ZSWIM6: variants seen among roughly 807,000 people sequenced by gnomAD.
The protein encoded by ZSWIM6 is zinc finger SWIM-type containing 6, also known as zinc finger SWIM domain-containing protein 6.
ZSWIM6 carries 9 observed loss-of-function variants against 113.2 expected under a neutral mutation model. The observed-to-expected ratio is 0.08, with a 90% CI of 0.05 to 0.14. The LOEUF is 0.14. Ranked by LOEUF, ZSWIM6 falls within the 10% of genes least tolerant of loss-of-function variation. ZSWIM6 has a pLI of 1.00. For missense variants in ZSWIM6, 1,162 were observed against 1,552.2 expected (o/e 0.75, Z 4.22); for synonymous variants, 611 against 606.5 (o/e 1.01, Z -0.11).
chr5:61,391,073 C>A, intron 1 of ZSWIM6: 1 of 738,558 alleles, frequency 1.4e-6, no homozygotes, highest in Non-Finnish European at 2.5e-6. Flanking sequence ...CAAATGCATG[C>A]CACAGGTAAG....
At chr5:61,367,174 T>A (rs1050466613) in intron 1 of ZSWIM6, among the ~76,000 whole-genome samples, 12 of 152,186 alleles carry the variant, frequency 7.9e-5, no homozygotes, top group African/African-American at 2.9e-4. Flanking sequence ...AGCCAGTCAC[T>A]GTTTTCTAGG....
Position 61,332,327 on chromosome 5 carries a change from GGCGGCGGCGGCGGCGGCGGGGGCA to G in ZSWIM6, c.58_81del (p.Gly20_Ser27del). 3.7e-6 allele frequency: 3 copies of G among 809,218 alleles called. No individual in the cohort carries two copies. Among genetic ancestry groups the G allele is most frequent in the Non-Finnish European group, 4.5e-6 (3 of 666,444 alleles). 50.1% of individuals were successfully genotyped at this position (809,218 alleles called of 1,614,324 possible). A position where few individuals can be genotyped will look rare whatever the true frequency, so the allele number is the denominator to read the frequency against. Reference sequence around the variant, plus strand: ...CGCGAAACGGCTTTGCTGCCGGCCGGGCGGCGGCGGCGGCGGCGGGGGCAGCAGCGGCGGCGGCGGCGGCGCGGG... The same window carrying G: ...CGCGAAACGGCTTTGCTGCCGGCCGGGCAGCGGCGGCGGCGGCGGCGCGGG... On this transcript the variant is annotated inframe_deletion, in exon 1 of 14. Coordinates refer to ENST00000252744, the MANE Select transcript of ZSWIM6 (RefSeq NM_020928.2).
chr5:61,422,447 T>C (rs2112126041), intron 1 of ZSWIM6, among the ~76,000 whole-genome samples: 1 of 152,200 alleles, frequency 6.6e-6, no homozygotes, highest in East Asian at 1.9e-4. Context: ...ATGCTGGCAC[T>C]GTACTGTTTT....
At chr5:61,449,375 T>A (rs998298555) in intron 1 of ZSWIM6, among the ~76,000 whole-genome samples, 4 of 152,162 alleles carry the variant, frequency 2.6e-5, no homozygotes, top group Non-Finnish European at 5.9e-5. Flanking sequence ...TTTTTTAAAT[T>A]TATTTCCAGA....
chr5:61,501,857 G>A (rs551357466), intron 4 of ZSWIM6, among the ~76,000 whole-genome samples: 10 of 152,300 alleles, frequency 6.6e-5, no homozygotes, highest in Non-Finnish European at 1.3e-4. Context: ...ATGTCATAGC[G>A]TTGGTATAAG....
In ZSWIM6 at chr5:61,339,311, C is replaced by T. The variant is rs548598385; in HGVS notation, c.676+6363C>T. On this transcript the variant is annotated intron_variant, in intron 1 of 13. Transcript: ENST00000252744. The stretch of plus-strand genomic sequence containing the variant: ...ATCCCAGCTACTCAGGAGGCTGAGG[C>T]GGGAGAATCGCTTGAACCTGGGAGG... Among the ~76,000 whole-genome samples the T allele has an allele frequency of 6.0e-4, 91 of 152,216 alleles. 2 individuals carry two copies. Among genetic ancestry groups the T allele is most frequent in the African/African-American group, 5.1e-4 (21 of 41,530 alleles).
intron 1 of ZSWIM6, among the ~76,000 whole-genome samples, chr5:61,448,232 T>G (rs531224031): frequency 1.3e-5 from 2 of 152,294 alleles, no homozygotes; most frequent in Admixed American, 1.3e-4. Flanking sequence ...CCTCTCTGAG[T>G]TTCCTATTTT....
At chr5:61,371,794 GC>G (rs1403726448) in intron 1 of ZSWIM6, among the ~76,000 whole-genome samples, 78 of 152,166 alleles carry the variant, frequency 5.1e-4, no homozygotes, top group Non-Finnish European at 9.4e-4. Context: ...TCCTTTCAAG[GC>G]ATCTGTGAAA....
chr5:61,470,534 T>G (rs1386919437), intron 1 of ZSWIM6, among the ~76,000 whole-genome samples: 1 of 152,246 alleles, frequency 6.6e-6, no homozygotes, highest in Non-Finnish European at 1.5e-5. Context: ...GGGTGTTTAC[T>G]TTTTCATGTG....
At chr5:61,448,730 G>C (rs1214363842) in intron 1 of ZSWIM6, among the ~76,000 whole-genome samples, 1 of 151,940 alleles carries the variant, frequency 6.6e-6, no homozygotes, top group Non-Finnish European at 1.5e-5. Context: ...AATATATGGG[G>C]GTATGATAAG....
chr5:61,523,641 T>C (rs570227064), intron 5 of ZSWIM6, among the ~76,000 whole-genome samples: 9 of 152,324 alleles, frequency 5.9e-5, no homozygotes, highest in African/African-American at 2.2e-4. Context: ...CACAATTGAA[T>C]AGCCACTGAC....
intron 1 of ZSWIM6, chr5:61,391,025 T>G (rs772500618): frequency 4.0e-6 from 3 of 749,132 alleles, no homozygotes; most frequent in African/African-American, 1.7e-5. Context: ...ATCTTATAGA[T>G]CTTGTTGATC....
chr5:61,430,594 T>TG (rs1270188303), intron 1 of ZSWIM6, among the ~76,000 whole-genome samples: 1 of 152,160 alleles, frequency 6.6e-6, no homozygotes, highest in Non-Finnish European at 1.5e-5. Flanking sequence ...AAATGCAGAT[T>TG]GAAAATACAG....
intron 2 of ZSWIM6, among the ~76,000 whole-genome samples, chr5:61,485,804 T>C (rs1443690645): frequency 1.3e-5 from 2 of 152,214 alleles, no homozygotes; most frequent in Non-Finnish European, 2.9e-5. Flanking sequence ...TACGTAAATA[T>C]ATTCACATTG....
At chr5:61,497,137 G>C (rs955245125) in intron 4 of ZSWIM6, among the ~76,000 whole-genome samples, 2 of 150,242 alleles carry the variant, frequency 1.3e-5, no homozygotes, top group African/African-American at 4.9e-5. Flanking sequence ...TTCCTGGCAT[G>C]AAAGCCCTAA....
intron 7 of ZSWIM6, among the ~76,000 whole-genome samples, chr5:61,529,039 T>G (rs1433459587): frequency 6.6e-6 from 1 of 152,232 alleles, no homozygotes; most frequent in Non-Finnish European, 1.5e-5. Flanking sequence ...ATGTTTTCCT[T>G]TAAGAAGGAG....
chr5:61,343,543 A>AT (rs1744591624), intron 1 of ZSWIM6, among the ~76,000 whole-genome samples: 1 of 152,204 alleles, frequency 6.6e-6, no homozygotes, highest in African/African-American at 2.4e-5. Context: ...AGTTACTAGC[A>AT]TTTTTATGAG....
rs533698350 is a variant in ZSWIM6, at chr5:61,474,662, G to T, written c.1033+1625G>T. ...TGCAAGTGCTCAGTAGCCACATGTG[G>T]CTAGTGGCTGCCATATTGGACAGCA... is the stretch of plus-strand genomic sequence containing the variant. On this transcript the variant is annotated intron_variant, in intron 2 of 13. Coordinates refer to ENST00000252744, the MANE Select transcript of ZSWIM6 (RefSeq NM_020928.2). Among the ~76,000 whole-genome samples, 1,369 of 152,240 alleles carry T rather than the reference G, an allele frequency of 9.0e-3. 6 individuals are homozygous for T. The highest frequency in any genetic ancestry group is 0.014 in the Non-Finnish European group (931 of 68,004).
At chr5:61,383,863 C>T (rs1745535762) in intron 1 of ZSWIM6, among the ~76,000 whole-genome samples, 2 of 151,462 alleles carry the variant, frequency 1.3e-5, no homozygotes, top group Non-Finnish European at 2.9e-5. Context: ...TTTTCTTATA[C>T]ATGCTAATAC....
Sources: allele counts gnomAD v4.1 joint callset (sites outside exome capture counted in the v4.1 genomes callset), GRCh38; gene constraint gnomAD v4.1.1; transcripts MANE v1.5; gene names NCBI Gene and HGNC (gene_info 2026-07-23, HGNC 2026-07-21).